The following TTN variants were observed in gnomAD, a reference collection of about 807,000 sequenced individuals.
The protein encoded by TTN is titin, also known as connectin.
In TTN, 1,525 loss-of-function variants were observed where a neutral mutation model predicts 3,223.0. The observed-to-expected ratio is 0.47, with a 90% CI of 0.45 to 0.49. TTN has a LOEUF of 0.49. Ranked by LOEUF, TTN falls within the 20% of genes least tolerant of loss-of-function variation. TTN has a pLI of 0.00. For synonymous variants in TTN, 14,094 were observed against 15,161.0 expected (o/e 0.93, Z 5.17); for missense variants, 40,786 against 43,424.0 (o/e 0.94, Z 5.40).
intron 46 of TTN, among the ~76,000 whole-genome samples, chr2:178,754,905 G>A (rs746804545): frequency 2.4e-4 from 36 of 152,146 alleles, no homozygotes; most frequent in Non-Finnish European, 4.6e-4. Context: ...TCAATAAACT[G>A]TATTCTCTGT....
rs879217694 is a variant in TTN, at chr2:178,739,482, C to T, written c.13751G>A (p.Gly4584Asp). 1 of 1,613,662 alleles carries T rather than the reference C, an allele frequency of 6.2e-7. No individual in the cohort carries two copies. The highest frequency in any genetic ancestry group is 1.3e-5 in the African/African-American group (1 of 74,914). Residue 4584 changes from glycine (G) to aspartate (D), a missense_variant, in exon 48 of 363, where the codon GGT becomes GAT. Transcript: ENST00000589042. The stretch of plus-strand genomic sequence containing the variant: ...CTTTACTGTAGCAACCTCCTCAGTA[C>T]CACTTTCAGAGGAAGACTCCTCTTT... ...EEKEESSSES[G>D]TEEVATVKIQ... is the part of the protein sequence containing the mutation.
chr2:178,672,582 G>A (rs778546223), intron 153 of TTN, 53 bp downstream of exon 153: 1 of 1,606,248 alleles, frequency 6.2e-7, no homozygotes, highest in Non-Finnish European at 8.5e-7. Flanking sequence ...AAACATAAAA[G>A]TCTTAACGAA....
At chr2:178,689,942 T>C (rs938103191) in intron 121 of TTN, 46 bp from the exon 122 acceptor site, 2 of 1,526,774 alleles carry the variant, frequency 1.3e-6, no homozygotes, top group Non-Finnish European at 1.8e-6. Context: ...TATATCACTT[T>C]TATGAAAGAA....
rs750586178 is a variant in TTN, at chr2:178,669,619, T to C, written c.35443A>G (p.Lys11815Glu). The C allele has an allele frequency of 6.2e-6, 10 of 1,612,406 alleles. No homozygotes were observed. In the South Asian group the frequency reaches 6.6e-5, roughly 11 times the overall value. Residue 11815 changes from lysine to glutamate, a missense_variant, in exon 158 of 363, where the codon AAA (lysine) becomes GAA (glutamate). Physicochemically the swap from Lys to Glu is moderately conservative, Grantham distance 56 (BLOSUM62 1). Coordinates refer to ENST00000589042, the MANE Select transcript of TTN (RefSeq NM_001267550.2). ...TTAGCTGGTGGAACTTCAGGCTTTT[T>C]CAGAACAGCTTCACGAACTTTTTCT... ...PEEKVREAVL[K>E]KPEVPPAKVP...
rs780460404 is a variant in TTN at position 178,539,585 on chromosome 2, T to C, written c.98480A>G (p.Asp32827Gly). The C allele has an allele frequency of 1.9e-6, 3 of 1,613,860 alleles. No homozygotes were observed. Among genetic ancestry groups the C allele is most frequent in the Admixed American group, 3.3e-5 (2 of 59,998 alleles). ...TCTCTCGAGGATGTAGCCTAAGATG[T>C]CAGCACCACCATCATCAGCAGGAGG... ...WRPPADDGGA[D>G]ILGYILERRE... Residue 32827 changes from aspartate to glycine, a missense_variant, in exon 352 of 363, where the codon GAC becomes GGC. Transcript: ENST00000589042.
In TTN at chr2:178,632,661, C is replaced by T; in HGVS notation, c.43345G>A (p.Gly14449Ser). ...RWLKGTQEITGDDRFELIKDG... is the reference protein window; with the variant it reads ...RWLKGTQEITSDDRFELIKDG... ...TTTATAAGCTCAAATCTGTCATCAC[C>T]TGTGATTTCCTGGGTTCCTTTTAGC... The change falls in exon 235 of 363, where the codon GGT becomes AGT. Residue 14449 changes from glycine to serine, a missense_variant. Physicochemically the swap from Gly to Ser is moderately conservative, Grantham distance 56. Coordinates refer to ENST00000589042, the MANE Select transcript of TTN (RefSeq NM_001267550.2). 1.2e-6 allele frequency: 2 copies of T among 1,613,410 alleles called. No individual in the cohort carries two copies. Among genetic ancestry groups the T allele is most frequent in the African/African-American group, 1.3e-5 (1 of 74,990 alleles).
Position 178,651,847 on chromosome 2 carries a change from G to C in TTN, c.39379+37C>G. 1.9e-6 allele frequency: 3 copies of C among 1,598,986 alleles called. No individual in the cohort carries two copies. The African/African-American group carries it at 4.0e-5, about 21-fold the overall frequency. On this transcript the variant is annotated intron_variant, in intron 205 of 362. Transcript: ENST00000589042. ...ATTATCAGGGCAGGAAGGGGAAAGA[G>C]TGGCCGAGGTGTCCTAGCAGCTTTC...
At position 178,567,691 on chromosome 2, in the gene TTN, T is replaced by A. The variant is rs749374532; in HGVS notation, c.78441A>T (p.Gln26147His). Reference sequence around the variant, plus strand: ...CTTCAGTAAGACCTGACACAGTAAATTGAGTTTCAATGACATTTGTAAAGC... The same window carrying A: ...CTTCAGTAAGACCTGACACAGTAAAATGAGTTTCAATGACATTTGTAAAGC... ...KASFTNVIET[Q>H]FTVSGLTEDQ... is the part of the protein sequence containing the mutation. The change falls in exon 326 of 363, where the codon CAA (glutamine) becomes CAT (histidine). Residue 26147 changes from glutamine to histidine, a missense_variant. Transcript: ENST00000589042. The A allele has an allele frequency of 6.2e-6, 10 of 1,611,932 alleles. No homozygotes were observed. Among genetic ancestry groups the A allele is most frequent in the Non-Finnish European group, 8.5e-6 (10 of 1,178,580 alleles).
Position 178,613,777 on chromosome 2 carries a change from C to G in TTN, c.49506G>C (p.Lys16502Asn). The G allele has an allele frequency of 6.2e-7, 1 of 1,612,406 alleles. No individual in the cohort carries two copies. The change falls in exon 263 of 363, where the codon AAG (lysine) becomes AAC (asparagine). Residue 16502 changes from lysine (K) to asparagine (N), a missense_variant. Coordinates refer to ENST00000589042, the MANE Select transcript of TTN (RefSeq NM_001267550.2). ...TGTATGTTGTGTCCTTTACTGGCAT[C>G]TTATTGCATCTAACCCATTTATCTG... ...PDTDKWVRCNKMPVKDTTYRV... is the reference protein window; with the variant it reads ...PDTDKWVRCNNMPVKDTTYRV...
At position 178,562,747 on chromosome 2, in the gene TTN, TCCA is replaced by T; in HGVS notation, c.83382_83384del (p.Gly27795del). On this transcript the variant is annotated inframe_deletion, in exon 326 of 363. Coordinates refer to ENST00000589042, the MANE Select transcript of TTN (RefSeq NM_001267550.2). ...CGACAATGTAGTTTGTAATCTTAGC[TCCA>T]CCATCAATAAGTGGTGGTTCCCAGG... 1 of 1,612,082 alleles carries T rather than the reference TCCA, an allele frequency of 6.2e-7. No homozygotes were observed. Among genetic ancestry groups the T allele is most frequent in the South Asian group, 1.1e-5 (1 of 90,878 alleles).
chr2:178,664,451 A>C lies in TTN; in HGVS notation c.36280+9T>G. The C allele has an allele frequency of 6.2e-7, 1 of 1,602,892 alleles. No homozygotes were observed. Among genetic ancestry groups the C allele is most frequent in the South Asian group, 1.1e-5 (1 of 89,242 alleles). On this transcript the variant is annotated intron_variant, in intron 168 of 362. Coordinates refer to ENST00000589042, the MANE Select transcript of TTN (RefSeq NM_001267550.2). ...CTATCCCACCATAAAAAGACAGTTA[A>C]GAATGTACCTTTGACAGGTACAACT...
rs147312731 is a variant in TTN at position 178,630,952 on chromosome 2, G to C, written c.44015-9C>G. 2 of 1,611,640 alleles carry C rather than the reference G, an allele frequency of 1.2e-6. No homozygotes were observed. The highest frequency in any genetic ancestry group is 2.2e-5 in the East Asian group (1 of 44,640). ...CAGTTTAATTTCCCGATCTAGAAAA[G>C]TGAAGGGCCAGCATGGGTCATTAGC... is the stretch of plus-strand genomic sequence containing the variant. On this transcript the variant is annotated splice_polypyrimidine_tract_variant and intron_variant, in intron 237 of 362. Transcript: ENST00000589042.
intron 47 of TTN, chr2:178,746,365 C>T: frequency 6.2e-7 from 1 of 1,611,716 alleles, no homozygotes; most frequent in East Asian, 2.2e-5. Context: ...CATCTAGACT[C>T]ACAATCATAC....
rs1409641656 is a variant in TTN at position 178,547,416 on chromosome 2, G to T, written c.94210C>A (p.His31404Asn). The change falls in exon 339 of 363, where the codon CAT becomes AAT. Residue 31404 changes from histidine to asparagine, a missense_variant. By Grantham distance (68) the His-to-Asn change is moderately conservative. Transcript: ENST00000589042. The part of the protein sequence containing the change: ...PLESAPIIAE[H>N]PFVPPSAPTR... ...TTTTTATTTTTCTTACCAAATGGAT[G>T]TTCAGCAATTATTGGTGCTGATTCT... 6.3e-7 allele frequency: 1 copy of T among 1,598,594 alleles called. No homozygotes were observed. Among genetic ancestry groups the T allele is most frequent in the South Asian group, 1.1e-5 (1 of 89,490 alleles).
In TTN at chr2:178,729,222, C is replaced by T. The variant is rs1422589378; in HGVS notation, c.18869-53G>A. 18 of 1,549,010 alleles carry T rather than the reference C, an allele frequency of 1.2e-5. 1 individual carries two copies. The East Asian group carries it at 3.8e-4, about 33-fold the overall frequency. On this transcript the variant is annotated intron_variant, in intron 64 of 362. Transcript: ENST00000589042. ...GAAGAAACATATTGTAACTCCTACC[C>T]ATAATGATAAGATTTAAAAGCGTTA...
chr2:178,611,146 C>A lies in TTN; in HGVS notation c.50983G>T (p.Val16995Phe), dbSNP rs187763563. ...ATTGTTAATCTATCACTTGCTTTAA[C>A]TTCTTTGCCATCTTTATGCCAACTA... ...TVSWHKDGKE[V>F]KASDRLTMKN... is the part of the protein sequence containing the mutation. Residue 16995 changes from valine (V) to phenylalanine (F), a missense_variant, in exon 270 of 363, where the codon GTT becomes TTT. Physicochemically the swap from Val to Phe is conservative, Grantham distance 50. Transcript: ENST00000589042. 6.2e-7 allele frequency: 1 copy of A among 1,612,816 alleles called. No homozygotes were observed. The highest frequency in any genetic ancestry group is 2.2e-5 in the East Asian group (1 of 44,640).
chr2:178,581,719 G>T lies in TTN; in HGVS notation c.66549C>A (p.Asp22183Glu). 1 of 1,610,072 alleles carries T rather than the reference G, an allele frequency of 6.2e-7. No homozygotes were observed. The highest frequency in any genetic ancestry group is 1.1e-5 in the South Asian group (1 of 90,616). ...VSLSWGKPAY[D>E]GGSPIIGYLV... Reference sequence around the variant, plus strand: ...GATAACCAATGATAGGGCTGCCGCCGTCATAGGCTGGCTTGCCCCAAGATA... The same window carrying T: ...GATAACCAATGATAGGGCTGCCGCCTTCATAGGCTGGCTTGCCCCAAGATA... Residue 22183 changes from aspartate to glutamate, a missense_variant, in exon 316 of 363, where the codon GAC becomes GAA. Asp to Glu is a conservative substitution (Grantham distance 45). Transcript: ENST00000589042.
rs753428379 is a variant in TTN at position 178,554,014 on chromosome 2, T to A, written c.89097A>T (p.Thr29699=). 1 of 1,613,662 alleles carries A rather than the reference T, an allele frequency of 6.2e-7. No individual in the cohort carries two copies. The highest frequency in any genetic ancestry group is 8.5e-7 in the Non-Finnish European group (1 of 1,179,818). ...CTCTGTATTGATAGTCACTGTTTTCTGTGAGTCCTGTTACTTTTTGTCTGG... is the reference window on the plus strand; with the variant it reads ...CTCTGTATTGATAGTCACTGTTTTCAGTGAGTCCTGTTACTTTTTGTCTGG... ...RDTRQKVTGL[T]ENSDYQYRVC... is the part of the protein sequence containing the mutation. Residue 29699 remains threonine (T), a synonymous_variant, in exon 333 of 363, where the codon ACA becomes ACT. Transcript: ENST00000589042.
chr2:178,612,746 A>T, intron 265 of TTN, 27 bp downstream of exon 265: 1 of 1,581,422 alleles, frequency 6.3e-7, no homozygotes, highest in East Asian at 2.3e-5. Flanking sequence ...AAGAATTTAT[A>T]TATCCCAGAC....
Sources: allele counts gnomAD v4.1 joint callset (sites outside exome capture counted in the v4.1 genomes callset), GRCh38; gene constraint gnomAD v4.1.1; transcripts MANE v1.5; gene names NCBI Gene and HGNC (gene_info 2026-07-23, HGNC 2026-07-21).